CELF2: variants seen among roughly 807,000 people sequenced by gnomAD.
CELF2 encodes the protein CUGBP Elav-like family member 2.
Under a neutral mutation model 62.6 loss-of-function variants are expected in CELF2, and 8 were observed. The ratio of observed to expected loss-of-function variants is 0.13; its 90% CI spans 0.07 to 0.23. CELF2 has a LOEUF of 0.23. Ranked by LOEUF, CELF2 falls within the 10% of genes least tolerant of loss-of-function variation. The pLI, the probability that CELF2 is intolerant of heterozygous loss-of-function variation, is 1.00. For synonymous variants in CELF2, 258 were observed against 250.0 expected (o/e 1.03, Z -0.30); for missense variants, 333 against 671.0 (o/e 0.50, Z 5.56).
chr10:10,837,814 TAG>T (rs937352240), intron 1 of CELF2, among the ~76,000 whole-genome samples: 2 of 152,192 alleles, frequency 1.3e-5, no homozygotes, highest in Non-Finnish European at 2.9e-5. Flanking sequence ...TTGCTTTTAG[TAG>T]ACTTTTTTTT....
At chr10:10,878,932 T>C (rs886067756) in intron 1 of CELF2, among the ~76,000 whole-genome samples, 2 of 152,144 alleles carry the variant, frequency 1.3e-5, no homozygotes, top group Non-Finnish European at 2.9e-5. Flanking sequence ...CTCAGATGCA[T>C]TGTCTATAAA....
the CELF2 span, among the ~76,000 whole-genome samples, chr10:10,637,597 A>G: frequency 6.6e-6 from 1 of 152,204 alleles, no homozygotes; most frequent in Non-Finnish European, 1.5e-5. Context: ...CATCACTTCC[A>G]TACCTCAAAA....
intron 1 of CELF2, among the ~76,000 whole-genome samples, chr10:11,149,428 C>T (rs147973012): frequency 6.6e-6 from 1 of 152,278 alleles, no homozygotes; most frequent in African/African-American, 2.4e-5. Context: ...AGTTTTATTT[C>T]CCACATAGCT....
chr10:11,138,875 G>GGTGCTTACCATTTAACTT (rs2060854225), intron 1 of CELF2, among the ~76,000 whole-genome samples: 1 of 152,164 alleles, frequency 6.6e-6, no homozygotes, highest in Non-Finnish European at 1.5e-5. Flanking sequence ...TGGGAAAGTT[G>GGTGCTTACCATTTAACTT]GTGCTTACCA....
At chr10:10,967,836 T>C (rs1452255376) in intron 2 of CELF2, among the ~76,000 whole-genome samples, 1 of 152,116 alleles carries the variant, frequency 6.6e-6, no homozygotes, top group African/African-American at 2.4e-5. Context: ...CATAGACAGA[T>C]AGCCGAAGTG....
At chr10:11,198,554 A>C (rs1158519122) in intron 2 of CELF2, among the ~76,000 whole-genome samples, 1 of 152,206 alleles carries the variant, frequency 6.6e-6, no homozygotes, top group African/African-American at 2.4e-5. Flanking sequence ...GAAAATAAGG[A>C]TATTGATGCT....
chr10:11,237,980 C>G lies in CELF2; in HGVS notation c.355-11173C>G, dbSNP rs1488696195. The stretch of plus-strand genomic sequence containing the variant: ...TGAGCCACCAGGTAATTAAACCACG[C>G]CTTTAGTCGCCTTTAATGGCCAGGT... On this transcript the variant is annotated intron_variant, in intron 3 of 12. Coordinates refer to ENST00000633077, the MANE Select transcript of CELF2 (RefSeq NM_001326342.2). This position sits in a 1 kb window ranked among gnomAD's most constrained non-coding sequence, Gnocchi z 4.0. Among the ~76,000 whole-genome samples the G allele has an allele frequency of 1.3e-5, 2 of 152,176 alleles. No individual in the cohort carries two copies. The highest frequency in any genetic ancestry group is 1.9e-4 in the East Asian group (1 of 5,204).
chr10:11,106,191 A>G (rs2053406624), intron 1 of CELF2, among the ~76,000 whole-genome samples: 1 of 117,596 alleles, frequency 8.5e-6, no homozygotes, highest in South Asian at 2.7e-4. Context: ...TGGCACTTTT[A>G]TTTTATTTTA....
At chr10:10,808,554 G>C (rs922958879) in intron 1 of CELF2, among the ~76,000 whole-genome samples, 1 of 152,118 alleles carries the variant, frequency 6.6e-6, no homozygotes, top group Non-Finnish European at 1.5e-5. Flanking sequence ...TCGATTACTT[G>C]ACAAAATAGG....
chr10:10,941,928 A>C (rs990824176), intron 2 of CELF2, among the ~76,000 whole-genome samples: 5 of 149,946 alleles, frequency 3.3e-5, no homozygotes, highest in African/African-American at 1.2e-4. Context: ...TAGGAAGTAG[A>C]GGTTGCAGTG....
the CELF2 span, among the ~76,000 whole-genome samples, chr10:10,625,719 C>G: frequency 1.3e-5 from 2 of 152,184 alleles, no homozygotes; most frequent in South Asian, 2.1e-4. Context: ...TTCAATCCAG[C>G]TCTCCATTCA....
At chr10:11,142,462 A>G (rs2061508346) in intron 1 of CELF2, among the ~76,000 whole-genome samples, 1 of 152,138 alleles carries the variant, frequency 6.6e-6, no homozygotes, top group Admixed American at 6.5e-5. Flanking sequence ...AGGCAGGCAG[A>G]TCACGAGGTC....
chr10:10,619,209 A>C, the CELF2 span, among the ~76,000 whole-genome samples: 1 of 152,210 alleles, frequency 6.6e-6, no homozygotes, highest in African/African-American at 2.4e-5. Context: ...TCTTTGTTAG[A>C]AAAAGAAATG....
chr10:10,641,350 G>A, the CELF2 span, among the ~76,000 whole-genome samples: 4 of 152,130 alleles, frequency 2.6e-5, no homozygotes, highest in African/African-American at 9.7e-5. Context: ...AAACTTCATC[G>A]TGTATCTCTT....
intron 1 of CELF2, chr10:10,846,158 T>C: frequency 1.0e-6 from 1 of 977,912 alleles, no homozygotes; most frequent in Non-Finnish European, 1.2e-6. Flanking sequence ...CTATTCACAG[T>C]AAGGAATCCA....
chr10:10,762,648 G>A, the CELF2 span, among the ~76,000 whole-genome samples: 1 of 152,072 alleles, frequency 6.6e-6, no homozygotes, highest in Non-Finnish European at 1.5e-5. Context: ...CAGGCTTCTG[G>A]GATTCACACC....
chr10:11,320,210 A>C (rs566799224), intron 10 of CELF2, among the ~76,000 whole-genome samples: 2 of 152,272 alleles, frequency 1.3e-5, no homozygotes, highest in African/African-American at 4.8e-5. Flanking sequence ...TTGACTCCGT[A>C]TTCAGGGAAA....
upstream of CELF2, among the ~76,000 whole-genome samples, chr10:11,017,580 C>A (rs1164078711): frequency 1.3e-5 from 2 of 152,132 alleles, no homozygotes; most frequent in African/African-American, 2.4e-5. This position sits in a 1 kb window ranked among gnomAD's most constrained non-coding sequence, Gnocchi z 5.5. Flanking sequence ...GCTCTGGGAG[C>A]GCGGCTCGGG....
rs528131520 is a variant in CELF2, at chr10:10,962,284, C to G, written c.89+42285C>G. ...GTTTCAGACAAAACCAAATGGGATG[C>G]TGGGTACAGCACCATCTCCCTGCCC... On this transcript the variant is annotated intron_variant, in intron 2 of 13. Coordinates refer to the CELF2 transcript ENST00000636488. Among the ~76,000 whole-genome samples the G allele has an allele frequency of 4.6e-5, 7 of 152,346 alleles. No individual in the cohort carries two copies. The South Asian group carries it at 1.4e-3, about 32-fold the overall frequency.
Sources: gnomAD v4.1 joint callset for allele counts (sites outside exome capture counted in the v4.1 genomes callset) on GRCh38, gnomAD v4.1.1 for gene constraint, Gnocchi (gnomAD v3.1) non-coding constraint, MANE v1.5 for transcripts, NCBI Gene and HGNC (gene_info 2026-07-23, HGNC 2026-07-21) for gene names.